Variants in CCT3 observed in about 807,000 individuals in gnomAD.
CCT3 encodes the protein chaperonin containing TCP1 subunit 3, also known as T-complex protein 1 subunit gamma.
In CCT3, 10 loss-of-function variants were observed where a neutral mutation model predicts 65.3. The ratio of observed to expected loss-of-function variants is 0.15; its 90% confidence interval spans 0.09 to 0.26. The LOEUF (loss-of-function observed/expected upper bound fraction) is 0.26, where lower values mean the gene tolerates loss of function less well. CCT3 is among the 10% of genes least tolerant of loss of function. The pLI is 1.00. For missense variants in CCT3, 626 were observed against 708.7 expected (o/e 0.88, Z 1.33); for synonymous variants, 225 against 242.3 (o/e 0.93, Z 0.66).
At chr1:156,324,654 A>G (rs531238850) in intron 6 of CCT3, among the ~76,000 whole-genome samples, 2 of 151,676 alleles carry the variant, frequency 1.3e-5, no homozygotes, top group Non-Finnish European at 2.9e-5. Flanking sequence ...TTTGAGACGG[A>G]GTCTTGCTCT....
chr1:156,319,969 G>C (rs796742086), intron 7 of CCT3, among the ~76,000 whole-genome samples: 2 of 152,164 alleles, frequency 1.3e-5, no homozygotes, highest in Non-Finnish European at 2.9e-5. Flanking sequence ...ACACCAATAA[G>C]CCTGTCCCTT....
intron 8 of CCT3, among the ~76,000 whole-genome samples, chr1:156,318,452 C>T (rs1011748873): frequency 6.6e-6 from 1 of 152,004 alleles, no homozygotes; most frequent in East Asian, 1.9e-4. Context: ...CTCCTGGGCT[C>T]GAGCCATCCA....
intron 3 of CCT3, 41 bp from the exon 4 acceptor site, chr1:156,334,816 A>G: frequency 6.2e-7 from 1 of 1,613,678 alleles, no homozygotes. Flanking sequence ...TGTCCTAGAT[A>G]ACAGGAAGAA....
intron 1 of CCT3, 57 bp downstream of exon 1, chr1:156,338,097 A>C: frequency 6.4e-7 from 1 of 1,555,452 alleles, no homozygotes; most frequent in Non-Finnish European, 8.7e-7. Context: ...AACACTGAAA[A>C]GTATGGACAG....
chr1:156,320,592 A>C (rs552691967), intron 7 of CCT3, among the ~76,000 whole-genome samples: 38 of 152,246 alleles, frequency 2.5e-4, no homozygotes, highest in African/African-American at 8.9e-4. Context: ...CAAAAAGAAA[A>C]AAAATTTGCT....
intron 5 of CCT3, chr1:156,332,784 A>C (rs12141236): frequency 0.24 from 36,658 of 152,226 alleles, 4,926 homozygotes; most frequent in Non-Finnish European, 0.29. Context: ...TACAGAGAAA[A>C]TACGTTAGGT....
At chr1:156,317,378 C>A in intron 9 of CCT3, 37 bp downstream of exon 9, 1 of 1,602,816 alleles carries the variant, frequency 6.2e-7, no homozygotes, top group Non-Finnish European at 8.5e-7. Context: ...CCCTCGTCTA[C>A]CTCAAAGGTA....
intron 1 of CCT3, chr1:156,337,904 A>G: frequency 1.8e-6 from 1 of 549,712 alleles, no homozygotes; most frequent in Non-Finnish European, 3.2e-6. Flanking sequence ...GCGGAGTGGG[A>G]AAGAGCTTCC....
intron 1 of CCT3, among the ~76,000 whole-genome samples, chr1:156,336,333 GCTGGTGACC>G (rs1665354174): frequency 1.1e-5 from 1 of 91,430 alleles, no homozygotes; most frequent in Non-Finnish European, 2.9e-5. Context: ...TTCTCAAAGG[GCTGGTGACC>G]CTAAGAAATG....
In CCT3 at chr1:156,312,160, C is replaced by T; in HGVS notation, c.1036G>A (p.Gly346Arg). The change falls in exon 11 of 14, where the codon GGA becomes AGA. Residue 346 changes from glycine (G) to arginine (R), a missense_variant. By Grantham distance (125) the Gly-to-Arg change is moderately radical. Transcript: ENST00000295688. ...TTCTTGATTTCCAACAGGCCTGCTC[C>T]TGTTCCAACATCATCTTCTCTCAGT... ...EELREDDVGT[G>R]AGLLEIKKIG... The T allele has an allele frequency of 6.2e-7, 1 of 1,614,146 alleles. No individual in the cohort carries two copies. Among genetic ancestry groups the T allele is most frequent in the Non-Finnish European group, 8.5e-7 (1 of 1,180,020 alleles).
chr1:156,325,187 C>T, intron 5 of CCT3, 98 bp from the exon 6 acceptor site: 1 of 867,332 alleles, frequency 1.2e-6, no homozygotes. Flanking sequence ...CTAAATCAGA[C>T]TCTCCCAAAA....
Position 156,334,895 on chromosome 1 carries a change from T to C in CCT3, c.117A>G (p.Thr39=), listed in dbSNP as rs1665270016. 3 of 1,614,102 alleles carry C rather than the reference T, an allele frequency of 1.9e-6. No homozygotes were observed. Among genetic ancestry groups the C allele is most frequent in the South Asian group, 1.1e-5 (1 of 91,082 alleles). The change falls in exon 3 of 14, where the codon ACA becomes ACG. Residue 39 remains threonine (T), a synonymous_variant. Transcript: ENST00000295688. ...AAKTIADIIR[T]CLGPKSMMKM... ...TCATCATGGACTTGGGTCCCAAACA[T>C]GTTCGGATGATATCTGCAATAGTCT...
intron 10 of CCT3, among the ~76,000 whole-genome samples, chr1:156,315,087 G>A (rs1316781414): frequency 6.6e-6 from 1 of 152,092 alleles, no homozygotes; most frequent in Admixed American, 6.6e-5. Context: ...TTCTGCCTCT[G>A]ACACCCAAGA....
chr1:156,338,197 C>T lies in CCT3; in HGVS notation c.-13G>A. 6.3e-7 allele frequency: 1 copy of T among 1,585,676 alleles called. No individual in the cohort carries two copies. The highest frequency in any genetic ancestry group is 8.6e-7 in the Non-Finnish European group (1 of 1,167,570). ...GATGGCCCATCATGGCGACGCGATG[C>T]AGAGCCGGGTACCCAGAGCTGGGGG... On this transcript the variant is annotated 5_prime_UTR_variant, in exon 1 of 14. Transcript: ENST00000295688.
intron 7 of CCT3, among the ~76,000 whole-genome samples, chr1:156,319,520 A>T (rs1333756410): frequency 3.9e-5 from 6 of 152,062 alleles, no homozygotes; most frequent in Non-Finnish European, 7.3e-5. Context: ...AGACCATGAC[A>T]CTCAACTTGA....
At position 156,338,217 on chromosome 1, in the gene CCT3, T is replaced by C; in HGVS notation, c.-33A>G. 1 of 1,576,498 alleles carries C rather than the reference T, an allele frequency of 6.3e-7. No individual in the cohort carries two copies. The highest frequency in any genetic ancestry group is 8.6e-7 in the Non-Finnish European group (1 of 1,162,106). ...CGATGCAGAGCCGGGTACCCAGAGC[T>C]GGGGGAACCGGCAGAACCTTCTGGA... On this transcript the variant is annotated 5_prime_UTR_variant, in exon 1 of 14. Coordinates refer to ENST00000295688, the MANE Select transcript of CCT3 (RefSeq NM_005998.5).
chr1:156,330,350 A>G (rs1041504489), intron 5 of CCT3, among the ~76,000 whole-genome samples: 3 of 152,196 alleles, frequency 2.0e-5, no homozygotes, highest in African/African-American at 7.2e-5. Flanking sequence ...TTTTTATTCA[A>G]CTCACCATTC....
At position 156,312,110 on chromosome 1, in the gene CCT3, G is replaced by T; in HGVS notation, c.1086C>A (p.Phe362Leu). Residue 362 changes from phenylalanine to leucine, a missense_variant, in exon 11 of 14, where the codon TTC becomes TTA. Coordinates refer to ENST00000295688, the MANE Select transcript of CCT3 (RefSeq NM_005998.5). ...CCTTGGGGTCTTTGCAGTCAGTGAT[G>T]AAAGTAAAGTATTCATCTCCAATTT... ...IKKIGDEYFT[F>L]ITDCKDPKAC... The T allele has an allele frequency of 6.2e-7, 1 of 1,613,866 alleles. No individual in the cohort carries two copies.
intron 10 of CCT3, among the ~76,000 whole-genome samples, chr1:156,313,341 A>G (rs1308135284): frequency 2.3e-5 from 2 of 86,912 alleles, no homozygotes; most frequent in Non-Finnish European, 4.8e-5. Context: ...TCTGTCTCAA[A>G]AAAAAAAAGA....
Sources: gnomAD v4.1 joint callset for allele counts (sites outside exome capture counted in the v4.1 genomes callset) on GRCh38, gnomAD v4.1.1 for gene constraint, MANE v1.5 for transcripts, NCBI Gene and HGNC (gene_info 2026-07-23, HGNC 2026-07-21) for gene names.